Variants in CSMD1 observed in about 807,000 individuals in gnomAD.
CSMD1 encodes CUB and Sushi multiple domains 1.
In CSMD1, 213 loss-of-function variants were observed where a neutral mutation model predicts 417.5. The ratio of observed to expected loss-of-function variants is 0.51; its 90% CI spans 0.46 to 0.57. CSMD1 has a LOEUF of 0.57. CSMD1 is among the 20% of genes least tolerant of loss of function. The probability of loss-of-function intolerance (pLI) is 0.00; values close to 1 mark genes in which losing one functional copy is unlikely to be tolerated. For missense variants in CSMD1, 6,923 were observed against 4,529.7 expected, an observed-to-expected ratio of 1.53 and a Z score of -15.17; for synonymous variants, 2,862 against 1,736.8, an observed-to-expected ratio of 1.65 and a Z score of -16.11.
intron 1 of CSMD1, among the ~76,000 whole-genome samples, chr8:4,686,259 G>T (rs750739281): frequency 6.6e-6 from 1 of 152,220 alleles, no homozygotes; most frequent in Non-Finnish European, 1.5e-5. Flanking sequence ...AAGCACGAGA[G>T]TGAAGGAATG....
chr8:4,604,852 T>C (rs1313412113), intron 2 of CSMD1, among the ~76,000 whole-genome samples: 2 of 152,364 alleles, frequency 1.3e-5, no homozygotes, highest in African/African-American at 2.4e-5. Context: ...AGTACTCTGA[T>C]AGCAAAAGGT....
intron 1 of CSMD1, among the ~76,000 whole-genome samples, chr8:4,979,677 T>G (rs1433922898): frequency 2.0e-5 from 3 of 152,240 alleles, no homozygotes; most frequent in African/African-American, 7.2e-5. Flanking sequence ...GAAAATGTGT[T>G]TAGTTCTTCA....
chr8:3,803,994 C>G (rs137956887), intron 5 of CSMD1, among the ~76,000 whole-genome samples: 16 of 152,194 alleles, frequency 1.1e-4, no homozygotes, highest in African/African-American at 3.9e-4. Flanking sequence ...ATGGCGTGAT[C>G]TCGGCTCACT....
intron 6 of CSMD1, among the ~76,000 whole-genome samples, chr8:3,716,129 C>G (rs778034075): frequency 6.6e-6 from 1 of 152,154 alleles, no homozygotes; most frequent in Non-Finnish European, 1.5e-5. Context: ...GAACTCCACC[C>G]TGTTTGGGTT....
chr8:3,297,830 T>G (rs372830758), intron 25 of CSMD1, among the ~76,000 whole-genome samples: 3 of 152,020 alleles, frequency 2.0e-5, no homozygotes, highest in African/African-American at 7.2e-5. Flanking sequence ...GTTTAAAAAT[T>G]TGCTAACCGT....
chr8:4,279,215 C>T (rs1039827262), intron 3 of CSMD1, among the ~76,000 whole-genome samples: 9 of 152,128 alleles, frequency 5.9e-5, no homozygotes, highest in Non-Finnish European at 8.8e-5. Context: ...CTAACACACA[C>T]ACACAATTAA....
At position 4,288,519 on chromosome 8, in the gene CSMD1, T is replaced by C. The variant is rs118076952; in HGVS notation, c.415+131434A>G. Among the ~76,000 whole-genome samples, 410 of 152,302 alleles carry C rather than the reference T, an allele frequency of 2.7e-3. 7 individuals are homozygous for C. The East Asian group carries it at 0.038, about 14-fold the overall frequency. Reference sequence around the variant, plus strand: ...CTCTGCCTTTAGGTTTACCCAGTAGTAGCAGATACCACATCCTGTCCTTAT... The same window carrying C: ...CTCTGCCTTTAGGTTTACCCAGTAGCAGCAGATACCACATCCTGTCCTTAT... On this transcript the variant is annotated intron_variant, in intron 3 of 69. Coordinates refer to ENST00000635120, the MANE Select transcript of CSMD1 (RefSeq NM_033225.6).
At chr8:2,955,966 C>T (rs937019803) in intron 63 of CSMD1, among the ~76,000 whole-genome samples, 198 bp from the exon 64 acceptor site, 1 of 151,818 alleles carries the variant, frequency 6.6e-6, no homozygotes, top group East Asian at 1.9e-4. Context: ...TGCTAGAACT[C>T]CTGACCTCAA....
chr8:4,391,293 C>G (rs921178624), intron 3 of CSMD1, among the ~76,000 whole-genome samples: 1 of 152,204 alleles, frequency 6.6e-6, no homozygotes. Context: ...TTAACTCTAC[C>G]CTTTCTTCTC....
intron 3 of CSMD1, among the ~76,000 whole-genome samples, chr8:4,088,865 C>G (rs748383301): frequency 2.6e-5 from 4 of 152,108 alleles, no homozygotes; most frequent in Non-Finnish European, 5.9e-5. Context: ...TCCATGACAC[C>G]GCTGTGTTCC....
intron 5 of CSMD1, among the ~76,000 whole-genome samples, chr8:3,785,660 T>A (rs4345581): frequency 0.25 from 38,025 of 152,066 alleles, 5,238 homozygotes; most frequent in South Asian, 0.32. Context: ...AGAGTTGGCA[T>A]CGCCCTGAGG....
chr8:4,523,511 G>A (rs1414213726), intron 2 of CSMD1, among the ~76,000 whole-genome samples: 2 of 152,058 alleles, frequency 1.3e-5, no homozygotes, highest in Admixed American at 1.3e-4. Flanking sequence ...GCTGTTGCTA[G>A]TTTTCCTTCT....
At chr8:3,808,310 G>C (rs1182936139) in intron 5 of CSMD1, among the ~76,000 whole-genome samples, 1 of 151,980 alleles carries the variant, frequency 6.6e-6, no homozygotes, top group Non-Finnish European at 1.5e-5. Context: ...ATATTAATGG[G>C]AGCCTCTCTT....
intron 5 of CSMD1, among the ~76,000 whole-genome samples, chr8:3,897,290 T>C (rs1261656802): frequency 2.6e-5 from 4 of 152,170 alleles, no homozygotes; most frequent in Non-Finnish European, 4.4e-5. Flanking sequence ...TTATCTACAC[T>C]TAAGAGCTGT....
At chr8:2,946,179 T>C (rs559346252) in intron 68 of CSMD1, among the ~76,000 whole-genome samples, 4 of 152,316 alleles carry the variant, frequency 2.6e-5, no homozygotes, top group Admixed American at 2.6e-4. Context: ...TATAATCTTA[T>C]GGGGTCACTG....
intron 2 of CSMD1, among the ~76,000 whole-genome samples, chr8:4,514,588 C>G (rs1390593679): frequency 6.6e-6 from 1 of 152,168 alleles, no homozygotes; most frequent in Non-Finnish European, 1.5e-5. Flanking sequence ...ACCGCTTGAC[C>G]TAATCTACAT....
At chr8:3,613,878 C>T (rs1344975833) in intron 8 of CSMD1, among the ~76,000 whole-genome samples, 1 of 151,962 alleles carries the variant, frequency 6.6e-6, no homozygotes, top group Admixed American at 6.6e-5. Flanking sequence ...AGATGTCTCA[C>T]CATTTCTACT....
chr8:4,602,861 TATTATA>T (rs1327369177), intron 2 of CSMD1, among the ~76,000 whole-genome samples: 3 of 151,964 alleles, frequency 2.0e-5, no homozygotes, highest in Middle Eastern at 3.2e-3. Flanking sequence ...AGAAATCTTT[TATTATA>T]ATTATATAAA....
At chr8:3,166,338 C>G (rs1393242404) in intron 37 of CSMD1, among the ~76,000 whole-genome samples, 1 of 152,078 alleles carries the variant, frequency 6.6e-6, no homozygotes, top group African/African-American at 2.4e-5. Flanking sequence ...CAAGACCAGC[C>G]TGGCCAACAT....
Sources: gnomAD v4.1 joint callset for allele counts (sites outside exome capture counted in the v4.1 genomes callset) on GRCh38, gnomAD v4.1.1 for gene constraint, MANE v1.5 for transcripts, NCBI Gene and HGNC (gene_info 2026-07-23, HGNC 2026-07-21) for gene names.